Variants in SIK3 observed in about 807,000 individuals in gnomAD.
SIK3 encodes SIK family kinase 3, also known as serine/threonine-protein kinase SIK3.
Under a neutral mutation model 144.2 loss-of-function variants are expected in SIK3, and 28 were observed. That is an observed-to-expected ratio of 0.19 (90% confidence interval 0.14 to 0.27). The LOEUF is 0.27. Ranked by LOEUF, SIK3 falls within the 10% of genes least tolerant of loss-of-function variation. The pLI, the probability that SIK3 is intolerant of heterozygous loss-of-function variation, is 1.00. For missense variants in SIK3, 1,319 were observed against 1,776.0 expected, an observed-to-expected ratio of 0.74 and a Z score of 4.62; for synonymous variants, 686 against 676.3, an observed-to-expected ratio of 1.01 and a Z score of -0.22.
intron 21 of SIK3, among the ~76,000 whole-genome samples, chr11:116,851,008 C>T (rs2134311861): frequency 6.6e-6 from 1 of 152,140 alleles, no homozygotes; most frequent in East Asian, 1.9e-4. Context: ...GACTCTATCT[C>T]AAAAAAGAAT....
At chr11:117,024,490 A>T (rs1646892663) in intron 1 of SIK3, among the ~76,000 whole-genome samples, 1 of 152,196 alleles carries the variant, frequency 6.6e-6, no homozygotes, top group Non-Finnish European at 1.5e-5. Flanking sequence ...ATAATGCCCC[A>T]TAACTCTAAA....
chr11:117,003,259 T>C (rs1252373026), intron 1 of SIK3, among the ~76,000 whole-genome samples: 1 of 152,222 alleles, frequency 6.6e-6, no homozygotes, highest in Non-Finnish European at 1.5e-5. Context: ...CCAAGCTGCA[T>C]GTGCCCAACT....
At chr11:116,961,733 A>T (rs1034867764) in intron 1 of SIK3, among the ~76,000 whole-genome samples, 3 of 152,212 alleles carry the variant, frequency 2.0e-5, no homozygotes, top group Non-Finnish European at 4.4e-5. Flanking sequence ...TCCAAAGAGC[A>T]TGATTTTGTA....
At chr11:117,073,005 G>A (rs563762391) in intron 1 of SIK3, among the ~76,000 whole-genome samples, 1 of 152,260 alleles carries the variant, frequency 6.6e-6, no homozygotes, top group East Asian at 1.9e-4. Flanking sequence ...TCATGATTAT[G>A]TTGATCTCAG....
intron 1 of SIK3, among the ~76,000 whole-genome samples, chr11:117,080,469 A>G (rs552697960): frequency 5.3e-5 from 8 of 152,228 alleles, no homozygotes; most frequent in Non-Finnish European, 1.0e-4. Flanking sequence ...AAAAGAATAC[A>G]TAACTTTTGA....
intron 1 of SIK3, among the ~76,000 whole-genome samples, chr11:117,048,904 C>T (rs1953093027): frequency 6.6e-6 from 1 of 152,034 alleles, no homozygotes; most frequent in Admixed American, 6.6e-5. Context: ...AGTTCGAGAC[C>T]ACCCTGACCA....
intron 6 of SIK3, among the ~76,000 whole-genome samples, chr11:116,895,139 A>ACCTCATCTCTCTT (rs1245952883): frequency 6.6e-6 from 1 of 151,782 alleles, no homozygotes; most frequent in Non-Finnish European, 1.5e-5. Context: ...TACCTCTCTG[A>ACCTCATCTCTCTT]CCTCATCTCT....
chr11:116,986,184 C>G (rs1950321422), intron 1 of SIK3, among the ~76,000 whole-genome samples: 1 of 152,170 alleles, frequency 6.6e-6, no homozygotes, highest in African/African-American at 2.4e-5. Flanking sequence ...TAGTGTCAGG[C>G]AGACACTCCC....
At chr11:116,854,381 C>T (rs144812277) in intron 21 of SIK3, among the ~76,000 whole-genome samples, 1 of 152,294 alleles carries the variant, frequency 6.6e-6, no homozygotes, top group East Asian at 1.9e-4. Flanking sequence ...CTAAATAACA[C>T]CAACAATCCC....
chr11:116,910,382 T>C (rs1040313244), intron 4 of SIK3, among the ~76,000 whole-genome samples: 1 of 152,220 alleles, frequency 6.6e-6, no homozygotes, highest in African/African-American at 2.4e-5. Flanking sequence ...ATAGTTTTAG[T>C]AATCTTTCAG....
At chr11:116,913,985 G>A (rs895739357) in intron 4 of SIK3, among the ~76,000 whole-genome samples, 1 of 152,000 alleles carries the variant, frequency 6.6e-6, no homozygotes, top group Admixed American at 6.6e-5. Context: ...CTGATAAGCA[G>A]AAGCCTACTT....
At chr11:117,021,886 G>A (rs375068598) in intron 1 of SIK3, among the ~76,000 whole-genome samples, 82 of 118,972 alleles carry the variant, frequency 6.9e-4, no homozygotes, top group African/African-American at 2.5e-3. Context: ...CAGCCAACGT[G>A]TTTGAGACCA....
chr11:116,868,272 G>A (rs544520512), intron 14 of SIK3, among the ~76,000 whole-genome samples, 183 bp from the exon 15 acceptor site: 1 of 152,354 alleles, frequency 6.6e-6, no homozygotes, highest in South Asian at 2.1e-4. Context: ...ACAGAAGTTG[G>A]CTTGACAATG....
chr11:116,858,359 G>A lies in SIK3; in HGVS notation c.3106C>T (p.Pro1036Ser). Residue 1036 changes from proline (P) to serine (S), a missense_variant, in exon 21 of 25, where the codon CCC becomes TCC. Pro to Ser is a moderately conservative substitution (Grantham distance 74). This residue lies in a region of SIK3 where 646 missense variants were observed against 763.7 expected (regional missense o/e 0.85). Coordinates refer to ENST00000445177, the MANE Select transcript of SIK3 (RefSeq NM_001366686.3). This position sits in a 1 kb window ranked among gnomAD's most constrained non-coding sequence, Gnocchi z 5.4. ...ATGAGCTGTGCAAACTCTGTTGGGG[G>A]CAGCCGGATGTCCGAGTGGCCGGTG... is the stretch of plus-strand genomic sequence containing the variant. ...SLTGHSDIRL[P>S]PTEFAQLIKR... The A allele has an allele frequency of 1.2e-6, 2 of 1,613,788 alleles. No individual in the cohort carries two copies. The highest frequency in any genetic ancestry group is 2.2e-5 in the South Asian group (2 of 91,014).
intron 4 of SIK3, among the ~76,000 whole-genome samples, chr11:116,918,685 T>C (rs1246511705): frequency 6.6e-6 from 1 of 152,168 alleles, no homozygotes; most frequent in African/African-American, 2.4e-5. Flanking sequence ...GTGTTACACT[T>C]CAGTGTTCCA....
At chr11:117,046,655 G>GCCC (rs1952979203) in intron 1 of SIK3, among the ~76,000 whole-genome samples, 1 of 152,138 alleles carries the variant, frequency 6.6e-6, no homozygotes. Flanking sequence ...GAAGGAGGTG[G>GCCC]ATCACTTGGG....
chr11:117,036,246 T>C (rs185499637), intron 1 of SIK3, among the ~76,000 whole-genome samples: 2 of 151,552 alleles, frequency 1.3e-5, no homozygotes, highest in East Asian at 1.9e-4. Context: ...AAAAAAATAA[T>C]GTAGGTAGTT....
intron 4 of SIK3, among the ~76,000 whole-genome samples, chr11:116,905,865 T>C (rs1042810076): frequency 2.6e-5 from 4 of 152,248 alleles, no homozygotes; most frequent in African/African-American, 9.6e-5. Flanking sequence ...TACAAATCTC[T>C]TATTAGATAT....
intron 1 of SIK3, among the ~76,000 whole-genome samples, chr11:117,027,439 T>C (rs1339150688): frequency 9.8e-5 from 3 of 30,568 alleles, no homozygotes; most frequent in African/African-American, 2.1e-4. Context: ...TTTTTTTTCT[T>C]TTTTTTATAT....
Sources: gnomAD v4.1 joint callset for allele counts (sites outside exome capture counted in the v4.1 genomes callset) on GRCh38, gnomAD v4.1.1 for gene constraint, gnomAD v4.1.1 regional missense constraint, Gnocchi (gnomAD v3.1) non-coding constraint, MANE v1.5 for transcripts, NCBI Gene and HGNC (gene_info 2026-07-23, HGNC 2026-07-21) for gene names.